USP3: variants seen among roughly 807,000 people sequenced by gnomAD.
USP3 encodes the protein ubiquitin specific peptidase 3.
A neutral mutation model predicts 72.3 loss-of-function variants in USP3; 20 were observed. The observed-to-expected ratio is 0.28, with a 90% confidence interval of 0.19 to 0.40. The LOEUF (loss-of-function observed/expected upper bound fraction) is 0.40, where lower values mean the gene tolerates loss of function less well. Ranked by LOEUF, USP3 falls within the 10% of genes least tolerant of loss-of-function variation. The pLI, the probability that USP3 is intolerant of heterozygous loss-of-function variation, is 1.00. For missense variants in USP3, 479 were observed against 633.9 expected (o/e 0.76, Z 2.62); for synonymous variants, 222 against 225.3 (o/e 0.99, Z 0.13).
intron 8 of USP3, among the ~76,000 whole-genome samples, chr15:63,563,700 T>A (rs1014890594): frequency 6.6e-6 from 1 of 152,198 alleles, no homozygotes; most frequent in African/African-American, 2.4e-5. Flanking sequence ...GATTTTACCC[T>A]TCTGAAGCAA....
intron 11 of USP3, among the ~76,000 whole-genome samples, chr15:63,582,586 G>A (rs2066982869): frequency 6.6e-6 from 1 of 152,132 alleles, no homozygotes; most frequent in Admixed American, 6.5e-5. Context: ...TATCTCATGT[G>A]GTCTTAGAAG....
chr15:63,584,813 T>C (rs1276266129), intron 11 of USP3, among the ~76,000 whole-genome samples: 1 of 152,240 alleles, frequency 6.6e-6, no homozygotes, highest in African/African-American at 2.4e-5. Flanking sequence ...GCTTTGGGTG[T>C]CATATCAAAA....
rs759826611 is a variant in USP3 at position 63,504,802 on chromosome 15, C to T, written c.63C>T (p.Asn21=). The change falls in exon 1 of 15, where the codon AAC becomes AAT. Residue 21 remains asparagine, a synonymous_variant. Coordinates refer to ENST00000380324, the MANE Select transcript of USP3 (RefSeq NM_006537.4). ...CIAPDSAKFP[N]GSPSSWCCSV... is the part of the protein sequence containing the mutation. Reference sequence around the variant, plus strand: ...CTCCGGACTCAGCCAAGTTCCCCAACGGCTCCCCGTCGTCCTGGTGCTGCA... The same window carrying T: ...CTCCGGACTCAGCCAAGTTCCCCAATGGCTCCCCGTCGTCCTGGTGCTGCA... The T allele has an allele frequency of 1.1e-5, 17 of 1,610,546 alleles. No homozygotes were observed. Among genetic ancestry groups the T allele is most frequent in the Admixed American group, 1.7e-5 (1 of 59,826 alleles).
intron 7 of USP3, among the ~76,000 whole-genome samples, chr15:63,560,194 T>C (rs886451621): frequency 6.6e-6 from 1 of 151,830 alleles, no homozygotes; most frequent in Admixed American, 6.6e-5. Context: ...CTGAGGCGGG[T>C]GGATCACCTG....
At position 63,590,698 on chromosome 15, in the gene USP3, G is replaced by C. The variant is rs775106427; in HGVS notation, c.1435G>C (p.Glu479Gln). 2.5e-6 allele frequency: 4 copies of C among 1,613,392 alleles called. No homozygotes were observed. The South Asian group carries it at 4.4e-5, about 18-fold the overall frequency. ...SGHYTAYATHEGRWFHFNDST... is the reference protein window; with the variant it reads ...SGHYTAYATHQGRWFHFNDST... ...ACATTACACAGCATACGCAACTCAC[G>C]AAGGCCGCTGGTTCCACTTCAATGA... Residue 479 changes from glutamate to glutamine, a missense_variant, in exon 15 of 15, where the codon GAA becomes CAA. By Grantham distance (29) the Glu-to-Gln change is conservative. Coordinates refer to ENST00000380324, the MANE Select transcript of USP3 (RefSeq NM_006537.4).
In USP3 at chr15:63,570,787, TCTGA is replaced by T. The variant is rs2066767287; in HGVS notation, c.908+212_908+215del. 6.6e-6 allele frequency among the ~76,000 whole-genome samples: 1 copy of T among 152,224 alleles called. No individual in the cohort carries two copies. The highest frequency in any genetic ancestry group is 2.1e-4 in the South Asian group (1 of 4,828). ...TCTTGTATTTGCATCCTGATTTAGT[TCTGA>T]CTGTGATTAATTGGTATAGATTATT... On this transcript the variant is annotated intron_variant, in intron 9 of 14. Coordinates refer to ENST00000380324, the MANE Select transcript of USP3 (RefSeq NM_006537.4). This position sits in a 1 kb window ranked among gnomAD's most constrained non-coding sequence, Gnocchi z 4.4.
chr15:63,530,016 A>C lies in USP3; in HGVS notation c.92-2631A>C, dbSNP rs1345073394. 2.0e-5 allele frequency among the ~76,000 whole-genome samples: 3 copies of C among 152,138 alleles called. No homozygotes were observed. In the East Asian group the frequency reaches 5.8e-4, roughly 29 times the overall value. ...GCCAGGCGTGGTGGCAGATGCCTGT[A>C]GTCCCTGCTACTCTGGAGGCTGAGG... On this transcript the variant is annotated intron_variant, in intron 1 of 14. Coordinates refer to ENST00000380324, the MANE Select transcript of USP3 (RefSeq NM_006537.4).
chr15:63,571,562 TAAA>T (rs776196336), intron 9 of USP3, among the ~76,000 whole-genome samples: 54 of 152,306 alleles, frequency 3.5e-4, no homozygotes, highest in Non-Finnish European at 6.3e-4. Flanking sequence ...AGCACCAAAT[TAAA>T]AAGTATTAAA....
In USP3 at chr15:63,574,900, TGA is replaced by T. The variant is rs1275765710; in HGVS notation, c.1096+499_1096+500del. Among the ~76,000 whole-genome samples the T allele has an allele frequency of 6.6e-6, 1 of 152,222 alleles. No individual in the cohort carries two copies. ...AGATTTGAACATATTTTTTGCTTGA[TGA>T]GTACTAGCTACTGTAATCAAGGCAG... is the stretch of plus-strand genomic sequence containing the variant. On this transcript the variant is annotated intron_variant, in intron 11 of 14. Transcript: ENST00000380324. This position sits in a 1 kb window ranked among gnomAD's most constrained non-coding sequence, Gnocchi z 4.6.
At chr15:63,532,377 G>A in intron 1 of USP3, 2 of 501,666 alleles carry the variant, frequency 4.0e-6, no homozygotes, top group South Asian at 4.7e-5. Context: ...AAGTAATAAA[G>A]GAGACAAGTG....
At chr15:63,517,449 T>C (rs2065866213) in intron 1 of USP3, among the ~76,000 whole-genome samples, 1 of 152,198 alleles carries the variant, frequency 6.6e-6, no homozygotes, top group Non-Finnish European at 1.5e-5. Flanking sequence ...AAAATGATTC[T>C]TTCAGATTGG....
chr15:63,582,097 A>G (rs2066973936), intron 11 of USP3, among the ~76,000 whole-genome samples: 1 of 152,236 alleles, frequency 6.6e-6, no homozygotes, highest in Non-Finnish European at 1.5e-5. Context: ...TCATTCAGAC[A>G]TACTGTAGTT....
In USP3 at chr15:63,547,757, G is replaced by A. The variant is rs866206646; in HGVS notation, c.285-5958G>A. 1.5e-3 allele frequency among the ~76,000 whole-genome samples: 58 copies of A among 39,614 alleles called. 2 individuals carry two copies. Among genetic ancestry groups the A allele is most frequent in the South Asian group, 3.9e-3 (3 of 764 alleles). 26.0% of individuals were successfully genotyped at this position (39,614 alleles called of 152,430 possible). ...GAGAGAGAGAGAGGGAGGGAGGGAG[G>A]GAGGGAGAGAGAGAGAGAGAGAGAG... On this transcript the variant is annotated intron_variant, in intron 3 of 14. Transcript: ENST00000380324.
chr15:63,524,013 A>T (rs2065948988), intron 1 of USP3, among the ~76,000 whole-genome samples: 1 of 152,180 alleles, frequency 6.6e-6, no homozygotes, highest in South Asian at 2.1e-4. Context: ...AGAATTTGGG[A>T]TTTCTATGGA....
intron 11 of USP3, among the ~76,000 whole-genome samples, chr15:63,583,903 CTA>C (rs2067007164): frequency 6.6e-6 from 1 of 152,100 alleles, no homozygotes; most frequent in African/African-American, 2.4e-5. Context: ...CACCTTTTGG[CTA>C]TTATAAATAA....
In USP3 at chr15:63,586,411, T is replaced by C. The variant is rs542811157; in HGVS notation, c.1097-1894T>C. ...GAAAATTCTGTGTTTCCTTTCCTTATTTCTTATTCTCCCTATGACCCCCGC... is the reference window on the plus strand; with the variant it reads ...GAAAATTCTGTGTTTCCTTTCCTTACTTCTTATTCTCCCTATGACCCCCGC... On this transcript the variant is annotated intron_variant, in intron 11 of 14. Transcript: ENST00000380324. Among the ~76,000 whole-genome samples, 3 of 152,356 alleles carry C rather than the reference T, an allele frequency of 2.0e-5. No homozygotes were observed. The South Asian group carries it at 6.2e-4, about 32-fold the overall frequency.
At chr15:63,564,041 AGG>A (rs1231380861) in intron 8 of USP3, among the ~76,000 whole-genome samples, 2 of 152,212 alleles carry the variant, frequency 1.3e-5, no homozygotes, top group African/African-American at 4.8e-5. Flanking sequence ...GACTTTAAGA[AGG>A]AAAGGCAGGA....
At chr15:63,514,901 A>G (rs1407769001) in intron 1 of USP3, among the ~76,000 whole-genome samples, 2 of 152,260 alleles carry the variant, frequency 1.3e-5, no homozygotes, top group African/African-American at 4.8e-5. Context: ...GAATTGCATC[A>G]GATCTTGCTG....
chr15:63,591,725 T>G lies in USP3; in HGVS notation c.*899T>G, dbSNP rs1404059168. The G allele has an allele frequency of 6.6e-6, 1 of 152,242 alleles. No individual in the cohort carries two copies. Among genetic ancestry groups the G allele is most frequent in the Non-Finnish European group, 1.5e-5 (1 of 68,056 alleles). 9.4% of individuals were successfully genotyped at this position (152,242 alleles called of 1,614,324 possible). A position where few individuals can be genotyped will look rare whatever the true frequency, so the allele number is the denominator to read the frequency against. On this transcript the variant is annotated 3_prime_UTR_variant, in exon 15 of 15. Coordinates refer to ENST00000380324, the MANE Select transcript of USP3 (RefSeq NM_006537.4). ...ACTGCTTGTGTTTGGCATCTGAGTC[T>G]GAGGTGTGACCCTCTGGGATTTACT... is the stretch of plus-strand genomic sequence containing the variant.
Sources: gnomAD v4.1 joint callset for allele counts (sites outside exome capture counted in the v4.1 genomes callset) on GRCh38, gnomAD v4.1.1 for gene constraint, Gnocchi (gnomAD v3.1) non-coding constraint, MANE v1.5 for transcripts, NCBI Gene and HGNC (gene_info 2026-07-23, HGNC 2026-07-21) for gene names.